Variants in GALNT13 observed in about 807,000 individuals in gnomAD.
GALNT13 encodes the protein polypeptide N-acetylgalactosaminyltransferase 13, also known as UDP-GalNAc:polypeptide N-acetylgalactosaminyltransferase 13.
In GALNT13, 28 loss-of-function variants were observed where a neutral mutation model predicts 64.2. The observed-to-expected ratio is 0.44, with a 90% confidence interval of 0.32 to 0.60. The LOEUF (loss-of-function observed/expected upper bound fraction) is 0.60, where lower values mean the gene tolerates loss of function less well. Among genes scored for constraint, GALNT13 ranks in the 20% least tolerant of loss-of-function variants. The probability of loss-of-function intolerance (pLI) is 0.05; values close to 1 mark genes in which losing one functional copy is unlikely to be tolerated. For missense variants in GALNT13, 577 were observed against 669.8 expected (o/e 0.86, Z 1.53); for synonymous variants, 214 against 224.6 (o/e 0.95, Z 0.42).
chr2:154,330,149 GAC>G (rs1200314895), intron 9 of GALNT13, among the ~76,000 whole-genome samples: 3 of 152,024 alleles, frequency 2.0e-5, no homozygotes, highest in African/African-American at 7.2e-5. Context: ...AAAGCAAGGA[GAC>G]ACAATCTCAT....
At chr2:153,331,709 C>A in the GALNT13 span, among the ~76,000 whole-genome samples, 2 of 152,066 alleles carry the variant, frequency 1.3e-5, no homozygotes, top group East Asian at 3.9e-4. Flanking sequence ...CCTTCCCCAG[C>A]CCATTGTCTC....
the GALNT13 span, among the ~76,000 whole-genome samples, chr2:153,854,625 G>C: frequency 6.6e-5 from 10 of 151,744 alleles, no homozygotes; most frequent in Non-Finnish European, 1.3e-4. Flanking sequence ...AAAAATATAA[G>C]ACACCTTTTC....
At chr2:154,326,371 C>T (rs1381372660) in intron 9 of GALNT13, among the ~76,000 whole-genome samples, 1 of 148,688 alleles carries the variant, frequency 6.7e-6, no homozygotes, top group Non-Finnish European at 1.5e-5. Context: ...GTCAGATCAA[C>T]AATAAATAAT....
chr2:153,943,366 T>C (rs150182791), intron 2 of GALNT13, among the ~76,000 whole-genome samples: 220 of 152,336 alleles, frequency 1.4e-3, no homozygotes, highest in African/African-American at 4.9e-3. Context: ...GTAGATACTT[T>C]CTCTGCAGAT....
At chr2:154,328,087 C>T (rs192362150) in intron 9 of GALNT13, among the ~76,000 whole-genome samples, 18 of 152,062 alleles carry the variant, frequency 1.2e-4, no homozygotes, top group South Asian at 6.2e-4. Flanking sequence ...AAGAATTACA[C>T]GAAAATGAAT....
chr2:154,406,934 GA>G (rs2105386935), intron 10 of GALNT13, among the ~76,000 whole-genome samples: 1 of 152,248 alleles, frequency 6.6e-6, no homozygotes, highest in Non-Finnish European at 1.5e-5. Context: ...ATCTTTTGTA[GA>G]AAATAGATCA....
chr2:154,217,111 C>A (rs540532331), intron 4 of GALNT13, among the ~76,000 whole-genome samples: 1 of 151,886 alleles, frequency 6.6e-6, no homozygotes, highest in Non-Finnish European at 1.5e-5. Flanking sequence ...TTTTATTAAA[C>A]TACTCAAGTT....
the GALNT13 span, among the ~76,000 whole-genome samples, chr2:153,812,328 A>C: frequency 1.3e-5 from 2 of 152,232 alleles, no homozygotes; most frequent in Non-Finnish European, 2.9e-5. Context: ...AAGAAAAGGC[A>C]AAATTATGGA....
At chr2:153,463,241 T>A in the GALNT13 span, among the ~76,000 whole-genome samples, 2 of 152,102 alleles carry the variant, frequency 1.3e-5, no homozygotes, top group African/African-American at 4.8e-5. Context: ...ATCTTAGTAA[T>A]GTTTTTAAGA....
At chr2:154,356,578 A>C (rs1696761823) in intron 9 of GALNT13, among the ~76,000 whole-genome samples, 1 of 151,990 alleles carries the variant, frequency 6.6e-6, no homozygotes, top group African/African-American at 2.4e-5. Context: ...TCTACTTAGG[A>C]AACTTCATCA....
chr2:153,419,741 T>C, the GALNT13 span, among the ~76,000 whole-genome samples: 1 of 152,348 alleles, frequency 6.6e-6, no homozygotes, highest in Non-Finnish European at 1.5e-5. Context: ...TATATCATTG[T>C]CAATTTCTGG....
chr2:153,313,387 G>A, the GALNT13 span, among the ~76,000 whole-genome samples: 28 of 152,294 alleles, frequency 1.8e-4, 1 homozygote, highest in East Asian at 4.2e-3. Flanking sequence ...ATGAGATCAT[G>A]TCCTTTGCAG....
At chr2:153,565,058 G>C in the GALNT13 span, among the ~76,000 whole-genome samples, 2 of 152,094 alleles carry the variant, frequency 1.3e-5, no homozygotes, top group Non-Finnish European at 2.9e-5. Flanking sequence ...ACTTCAGTGG[G>C]TCTCCAGATG....
intron 4 of GALNT13, among the ~76,000 whole-genome samples, chr2:154,166,231 C>A (rs1039838122): frequency 2.6e-5 from 4 of 152,024 alleles, no homozygotes; most frequent in Admixed American, 6.6e-5. Context: ...ATGGTGAAAC[C>A]CCATCTCTAC....
the GALNT13 span, among the ~76,000 whole-genome samples, chr2:153,096,296 A>G: frequency 1.3e-5 from 2 of 151,896 alleles, no homozygotes; most frequent in South Asian, 2.1e-4. Context: ...CATATGGTCT[A>G]TCCTTGAGAA....
At chr2:154,021,563 CTT>C (rs992950561) in intron 3 of GALNT13, among the ~76,000 whole-genome samples, 5 of 152,042 alleles carry the variant, frequency 3.3e-5, no homozygotes, top group Admixed American at 1.3e-4. Flanking sequence ...TATCCTGAGA[CTT>C]TGCTGAAGTT....
At chr2:153,697,877 T>G in the GALNT13 span, among the ~76,000 whole-genome samples, 1 of 152,200 alleles carries the variant, frequency 6.6e-6, no homozygotes, top group African/African-American at 2.4e-5. Context: ...TGGGAATTTA[T>G]TGGCATAATC....
At chr2:154,105,707 A>G (rs1702578873) in intron 3 of GALNT13, among the ~76,000 whole-genome samples, 1 of 152,222 alleles carries the variant, frequency 6.6e-6, no homozygotes. Flanking sequence ...TAGAGAATCA[A>G]GACAGTGCTA....
At chr2:153,945,819 A>T (rs1013893634) in intron 3 of GALNT13, among the ~76,000 whole-genome samples, 2 of 152,078 alleles carry the variant, frequency 1.3e-5, no homozygotes, top group African/African-American at 4.8e-5. Context: ...TTACAGAAAT[A>T]CTCTTGTTCA....
Sources: allele counts gnomAD v4.1 joint callset (sites outside exome capture counted in the v4.1 genomes callset), GRCh38; gene constraint gnomAD v4.1.1; transcripts MANE v1.5; gene names NCBI Gene and HGNC (gene_info 2026-07-23, HGNC 2026-07-21).